AGBL4: variants seen among roughly 807,000 people sequenced by gnomAD.
The protein encoded by AGBL4 is cytosolic carboxypeptidase 6.
AGBL4 carries 58 observed loss-of-function variants against 66.4 expected under a neutral mutation model. That is an observed-to-expected ratio of 0.87 (90% CI 0.71 to 1.09). The LOEUF (loss-of-function observed/expected upper bound fraction) is 1.09, where lower values mean the gene tolerates loss of function less well. Ranked by LOEUF, AGBL4 falls within the 50% of genes least tolerant of loss-of-function variation. The pLI, the probability that AGBL4 is intolerant of heterozygous loss-of-function variation, is 0.00. For synonymous variants in AGBL4, 234 were observed against 222.9 expected (o/e 1.05, Z -0.44); for missense variants, 579 against 631.0 (o/e 0.92, Z 0.88).
intron 3 of AGBL4, among the ~76,000 whole-genome samples, chr1:49,484,066 TTAAA>T (rs1352313744): frequency 6.6e-6 from 1 of 151,998 alleles, no homozygotes; most frequent in Non-Finnish European, 1.5e-5. Flanking sequence ...ATTATTACAT[TTAAA>T]ATGGCTTTTC....
chr1:48,723,189 A>G (rs1647178801), intron 6 of AGBL4, among the ~76,000 whole-genome samples: 1 of 152,192 alleles, frequency 6.6e-6, no homozygotes, highest in South Asian at 2.1e-4. Context: ...CTTCAACTCT[A>G]CAAAGGGCTG....
At chr1:50,010,469 A>AACACACACACACAC (rs113933841) in intron 1 of AGBL4, among the ~76,000 whole-genome samples, 36 of 149,060 alleles carry the variant, frequency 2.4e-4, no homozygotes, top group African/African-American at 8.4e-4. Context: ...AGGAACCACA[A>AACACACACACACAC]ACACACACAC....
chr1:49,928,962 A>G (rs1373797983), intron 1 of AGBL4, among the ~76,000 whole-genome samples: 1 of 152,270 alleles, frequency 6.6e-6, no homozygotes, highest in Non-Finnish European at 1.5e-5. Context: ...TGGTACATAT[A>G]TGGCATAAAA....
chr1:49,052,159 A>C (rs1158418275), intron 4 of AGBL4, among the ~76,000 whole-genome samples: 1 of 151,222 alleles, frequency 6.6e-6, no homozygotes, highest in African/African-American at 2.4e-5. Context: ...TATTAATTCC[A>C]AGCCATTAAA....
chr1:49,551,779 C>G (rs374746139), intron 3 of AGBL4, among the ~76,000 whole-genome samples: 1 of 152,170 alleles, frequency 6.6e-6, no homozygotes, highest in Non-Finnish European at 1.5e-5. Context: ...GGCCTCCTGC[C>G]GGTAGGTAGT....
chr1:48,726,432 A>G (rs145283356), intron 6 of AGBL4, among the ~76,000 whole-genome samples: 68 of 152,330 alleles, frequency 4.5e-4, no homozygotes, highest in Non-Finnish European at 1.3e-4. Flanking sequence ...CTTATCAAAT[A>G]TTTATTGAAC....
chr1:49,147,063 A>T (rs1569824132), intron 4 of AGBL4, among the ~76,000 whole-genome samples: 1 of 152,166 alleles, frequency 6.6e-6, no homozygotes, highest in African/African-American at 2.4e-5. Context: ...GAGGCGACAC[A>T]GGAGGTGGAG....
intron 3 of AGBL4, among the ~76,000 whole-genome samples, chr1:49,476,080 C>A (rs1049560657): frequency 6.6e-6 from 1 of 151,978 alleles, no homozygotes; most frequent in Non-Finnish European, 1.5e-5. Flanking sequence ...CTTAACACTG[C>A]TTTTGCTGCA....
chr1:49,045,638 G>C lies in AGBL4; in HGVS notation c.540C>G (p.Ser180Arg). The C allele has an allele frequency of 1.3e-6, 2 of 1,599,840 alleles. No homozygotes were observed. Among genetic ancestry groups the C allele is most frequent in the Non-Finnish European group, 1.7e-6 (2 of 1,172,672 alleles). ...TYTRFQHYLDSLQKRNMDYFF... is the reference protein window; with the variant it reads ...TYTRFQHYLDRLQKRNMDYFF... ...AGTAATCCATGTTTCTCTTTTGCAGGCTGTCAAGGTAATGTTGGAAGCGAG... is the reference window on the plus strand; with the variant it reads ...AGTAATCCATGTTTCTCTTTTGCAGCCTGTCAAGGTAATGTTGGAAGCGAG... The change falls in exon 5 of 14, where the codon AGC (serine) becomes AGG (arginine). Residue 180 changes from serine to arginine, a missense_variant. By Grantham distance (110) the Ser-to-Arg change is moderately radical. Transcript: ENST00000371839.
intron 1 of AGBL4, among the ~76,000 whole-genome samples, chr1:49,861,598 A>G (rs1646574581): frequency 6.6e-6 from 1 of 152,104 alleles, no homozygotes; most frequent in African/African-American, 2.4e-5. Context: ...TCTACGTTAA[A>G]TTCATCTGAT....
At chr1:49,730,013 A>T (rs973047985) in intron 2 of AGBL4, among the ~76,000 whole-genome samples, 2 of 152,080 alleles carry the variant, frequency 1.3e-5, no homozygotes, top group Non-Finnish European at 2.9e-5. Flanking sequence ...TTTCTGGATA[A>T]TGGTTTTTAA....
chr1:48,836,597 A>G (rs544015238), intron 6 of AGBL4, among the ~76,000 whole-genome samples: 2 of 152,212 alleles, frequency 1.3e-5, no homozygotes, highest in East Asian at 1.9e-4. Context: ...TTCCCTAGGG[A>G]TCAAAAAAAC....
intron 4 of AGBL4, among the ~76,000 whole-genome samples, chr1:49,106,123 G>T (rs1457772657): frequency 2.6e-5 from 4 of 152,132 alleles, no homozygotes; most frequent in African/African-American, 9.7e-5. Context: ...GGACCCCAGT[G>T]CTGGCTGGTT....
intron 11 of AGBL4, among the ~76,000 whole-genome samples, chr1:48,546,864 A>AACACACACACAC (rs58136623): frequency 0.027 from 3,413 of 128,186 alleles, 74 homozygotes; most frequent in African/African-American, 0.053. Context: ...AAAACAAACA[A>AACACACACACAC]ACACACACAC....
intron 3 of AGBL4, among the ~76,000 whole-genome samples, chr1:49,696,613 T>C (rs910282295): frequency 2.0e-5 from 3 of 152,124 alleles, no homozygotes; most frequent in Admixed American, 1.3e-4. Flanking sequence ...ATGAATTTCA[T>C]GTTCAGACTT....
chr1:49,739,633 T>C (rs1281272331), intron 2 of AGBL4, among the ~76,000 whole-genome samples: 1 of 151,826 alleles, frequency 6.6e-6, no homozygotes, highest in Non-Finnish European at 1.5e-5. Flanking sequence ...ATGGAAAAAA[T>C]GTTAAGGGCA....
At chr1:49,955,853 T>C (rs1051557673) in intron 1 of AGBL4, among the ~76,000 whole-genome samples, 5 of 151,856 alleles carry the variant, frequency 3.3e-5, no homozygotes, top group Non-Finnish European at 7.4e-5. Context: ...GAAGATTTTA[T>C]TACCTTCTGG....
At chr1:49,777,547 G>A (rs1644229666) in intron 2 of AGBL4, among the ~76,000 whole-genome samples, 1 of 152,184 alleles carries the variant, frequency 6.6e-6, no homozygotes, top group Admixed American at 6.5e-5. Context: ...GAGAAGAGCA[G>A]TTTTTAATTA....
intron 4 of AGBL4, among the ~76,000 whole-genome samples, chr1:49,108,792 G>A (rs1159438386): frequency 1.3e-5 from 2 of 152,162 alleles, no homozygotes; most frequent in African/African-American, 2.4e-5. Context: ...CAGAGAAGGG[G>A]TGACAGCCGG....
Sources: gnomAD v4.1 joint callset for allele counts (sites outside exome capture counted in the v4.1 genomes callset) on GRCh38, gnomAD v4.1.1 for gene constraint, MANE v1.5 for transcripts, NCBI Gene and HGNC (gene_info 2026-07-23, HGNC 2026-07-21) for gene names.